The following TOX variants were observed in gnomAD, a reference collection of about 807,000 sequenced individuals.
The protein encoded by TOX is thymocyte selection-associated high mobility group box protein TOX.
A neutral mutation model predicts 53.7 loss-of-function variants in TOX; 11 were observed. That is an observed-to-expected ratio of 0.20 (90% confidence interval 0.13 to 0.34). TOX has a LOEUF of 0.34. Among genes scored for constraint, TOX ranks in the 10% least tolerant of loss-of-function variants. The pLI is 1.00. For synonymous variants in TOX, 225 were observed against 245.3 expected (o/e 0.92, Z 0.77); for missense variants, 570 against 664.6 (o/e 0.86, Z 1.56).
At chr8:58,832,170 TG>T (rs1185039792) in intron 5 of TOX, among the ~76,000 whole-genome samples, 1 of 116,648 alleles carries the variant, frequency 8.6e-6, no homozygotes, top group African/African-American at 2.6e-5. Context: ...ATGTAATATA[TG>T]TAATATATAT....
At chr8:59,097,825 TA>T (rs1804737656) in intron 1 of TOX, among the ~76,000 whole-genome samples, 1 of 152,224 alleles carries the variant, frequency 6.6e-6, no homozygotes, top group East Asian at 1.9e-4. Context: ...ATGCATCCTG[TA>T]AGCATAAAGA....
chr8:59,019,590 A>G (rs1814083345), intron 1 of TOX, among the ~76,000 whole-genome samples: 1 of 152,250 alleles, frequency 6.6e-6, no homozygotes, highest in Admixed American at 6.5e-5. Flanking sequence ...TTGTGTCTCA[A>G]TTGACAAAAT....
chr8:58,925,755 C>G (rs138258628), intron 3 of TOX, among the ~76,000 whole-genome samples: 3,433 of 152,200 alleles, frequency 0.023, 48 homozygotes, highest in Middle Eastern at 0.092. Context: ...TAAAAAATAC[C>G]CCTGGTTTTT....
rs546373646 is a variant in TOX at position 59,078,047 on chromosome 8, T to C, written c.102+40839A>G. Among the ~76,000 whole-genome samples, 6 of 152,272 alleles carry C rather than the reference T, an allele frequency of 3.9e-5. No homozygotes were observed. In the East Asian group the frequency reaches 1.2e-3, roughly 29 times the overall value. On this transcript the variant is annotated intron_variant, in intron 1 of 8. Coordinates refer to ENST00000361421, the MANE Select transcript of TOX (RefSeq NM_014729.3). ...GGAAATGGAGGAAAAATATTATCCA[T>C]ACAAACAGCTACATTAAGAAAATTA...
chr8:59,010,238 C>T (rs181229803), intron 1 of TOX, among the ~76,000 whole-genome samples: 12,362 of 152,096 alleles, frequency 0.081, 539 homozygotes, highest in Middle Eastern at 0.16. Flanking sequence ...AATCTTAGAT[C>T]ACTGCAAATA....
intron 1 of TOX, among the ~76,000 whole-genome samples, chr8:59,042,597 A>C (rs1474130146): frequency 6.6e-6 from 1 of 152,140 alleles, no homozygotes; most frequent in Non-Finnish European, 1.5e-5. Flanking sequence ...AAGTCCATAC[A>C]CCTAGTTCTT....
chr8:59,007,668 A>G (rs541663666), intron 1 of TOX, among the ~76,000 whole-genome samples: 1 of 151,992 alleles, frequency 6.6e-6, no homozygotes, highest in South Asian at 2.1e-4. Flanking sequence ...GTTGGGGGGG[A>G]AATAAAAAAA....
At chr8:59,026,901 G>GAAAA (rs58806202) in intron 1 of TOX, among the ~76,000 whole-genome samples, 4 of 136,134 alleles carry the variant, frequency 2.9e-5, no homozygotes, top group African/African-American at 1.1e-4. Flanking sequence ...AGAGAGAAAG[G>GAAAA]AAAAAAAAAA....
chr8:58,929,577 G>A (rs1414256158), intron 3 of TOX, among the ~76,000 whole-genome samples: 1 of 152,016 alleles, frequency 6.6e-6, no homozygotes, highest in Non-Finnish European at 1.5e-5. Flanking sequence ...GAATAATGAA[G>A]ATAGTGGTGT....
intron 4 of TOX, among the ~76,000 whole-genome samples, chr8:58,846,664 C>A (rs1810724256): frequency 6.6e-6 from 1 of 152,126 alleles, no homozygotes; most frequent in Non-Finnish European, 1.5e-5. Context: ...TAGTAACAAA[C>A]TCTTAAAGGC....
At chr8:58,899,176 C>T (rs183435060) in intron 3 of TOX, among the ~76,000 whole-genome samples, 1 of 152,332 alleles carries the variant, frequency 6.6e-6, no homozygotes. Flanking sequence ...CTGTAAGGTA[C>T]AGGCTAACAT....
chr8:59,113,674 A>C (rs1453660850), intron 1 of TOX, among the ~76,000 whole-genome samples: 1 of 152,052 alleles, frequency 6.6e-6, no homozygotes, highest in African/African-American at 2.4e-5. Context: ...TCAAATTAAG[A>C]TTGGGGAGGA....
chr8:59,009,351 C>A (rs1047347989), intron 1 of TOX, among the ~76,000 whole-genome samples: 2 of 151,104 alleles, frequency 1.3e-5, no homozygotes, highest in Admixed American at 1.3e-4. Context: ...TTCCTTCCCT[C>A]CTTTCTTTCT....
intron 3 of TOX, among the ~76,000 whole-genome samples, chr8:58,890,472 A>C (rs1443231526): frequency 1.3e-5 from 2 of 152,212 alleles, no homozygotes; most frequent in Non-Finnish European, 2.9e-5. Context: ...AGAAGCGTTC[A>C]TACAATGGCA....
chr8:58,911,196 G>A (rs1376755272), intron 3 of TOX, among the ~76,000 whole-genome samples: 1 of 152,024 alleles, frequency 6.6e-6, no homozygotes, highest in Non-Finnish European at 1.5e-5. Flanking sequence ...CCCATTTTAA[G>A]CAGTTCCCTT....
intron 1 of TOX, among the ~76,000 whole-genome samples, chr8:58,998,526 T>TGTA (rs1813614923): frequency 6.8e-5 from 1 of 14,704 alleles, no homozygotes; most frequent in African/African-American, 1.9e-4. Context: ...TATATATATA[T>TGTA]ATATATATAT....
At chr8:58,908,804 G>A (rs1811863107) in intron 3 of TOX, among the ~76,000 whole-genome samples, 1 of 152,178 alleles carries the variant, frequency 6.6e-6, no homozygotes, top group Non-Finnish European at 1.5e-5. Flanking sequence ...CTGACAAAGA[G>A]TTCTCTGGTC....
chr8:58,838,763 G>A (rs988375181), intron 4 of TOX, among the ~76,000 whole-genome samples: 3 of 138,552 alleles, frequency 2.2e-5, no homozygotes, highest in Non-Finnish European at 3.0e-5. Flanking sequence ...GTGCAGTGGC[G>A]TGATCTCAGC....
intron 3 of TOX, among the ~76,000 whole-genome samples, chr8:58,858,457 C>G (rs1401708933): frequency 1.3e-5 from 2 of 152,252 alleles, no homozygotes; most frequent in Admixed American, 1.3e-4. Context: ...TGGCTCTGCT[C>G]TGATCCAGCT....
Sources: gnomAD v4.1 joint callset for allele counts (sites outside exome capture counted in the v4.1 genomes callset) on GRCh38, gnomAD v4.1.1 for gene constraint, MANE v1.5 for transcripts, NCBI Gene and HGNC (gene_info 2026-07-23, HGNC 2026-07-21) for gene names.